Variants in PTPRT observed in about 807,000 individuals in gnomAD.
The protein encoded by PTPRT is receptor-type tyrosine-protein phosphatase T.
In PTPRT, 56 loss-of-function variants were observed where a neutral mutation model predicts 176.8. The ratio of observed to expected loss-of-function variants is 0.32; its 90% CI spans 0.26 to 0.40. The LOEUF (loss-of-function observed/expected upper bound fraction) is 0.40. PTPRT is among the 10% of genes least tolerant of loss of function. The probability of loss-of-function intolerance (pLI) is 1.00; values close to 1 mark genes in which losing one functional copy is unlikely to be tolerated. For synonymous variants in PTPRT, 783 were observed against 739.0 expected (o/e 1.06, Z -0.96); for missense variants, 1,540 against 1,908.2 (o/e 0.81, Z 3.60).
chr20:43,164,982 T>C (rs1451968086), intron 1 of PTPRT, among the ~76,000 whole-genome samples: 1 of 152,060 alleles, frequency 6.6e-6, no homozygotes, highest in African/African-American at 2.4e-5. Flanking sequence ...TTTGGCTGTG[T>C]CCCCACACAA....
chr20:42,391,004 A>C (rs945103012), intron 9 of PTPRT, among the ~76,000 whole-genome samples: 1 of 152,144 alleles, frequency 6.6e-6, no homozygotes, highest in Admixed American at 6.5e-5. Context: ...AGGTCTTTTC[A>C]TTGCTTTTAA....
chr20:42,818,801 G>A (rs981379091), intron 2 of PTPRT, among the ~76,000 whole-genome samples: 2 of 152,130 alleles, frequency 1.3e-5, no homozygotes, highest in Non-Finnish European at 2.9e-5. Flanking sequence ...AAGGATATCA[G>A]AGTTTGAAGA....
In PTPRT at chr20:42,965,798, C is replaced by T. The variant is rs147770208; in HGVS notation, c.89-79866G>A. 8.0e-4 allele frequency among the ~76,000 whole-genome samples: 122 copies of T among 152,252 alleles called. 1 individual carries two copies. The highest frequency in any genetic ancestry group is 3.4e-3 in the Middle Eastern group (1 of 294). ...TACATTTAAGAAATCCCAAACGATA[C>T]CCCCATTTAATTTTCTTTGGGGACA... On this transcript the variant is annotated intron_variant, in intron 1 of 30. Coordinates refer to ENST00000373187, the MANE Select transcript of PTPRT (RefSeq NM_007050.6).
chr20:42,422,321 T>C (rs2059125630), intron 9 of PTPRT, among the ~76,000 whole-genome samples: 2 of 152,176 alleles, frequency 1.3e-5, no homozygotes, highest in Non-Finnish European at 2.9e-5. Flanking sequence ...AAAGGTCTAA[T>C]ATCCAGCATC....
intron 2 of PTPRT, among the ~76,000 whole-genome samples, chr20:42,848,577 G>C (rs969094623): frequency 6.6e-6 from 1 of 152,174 alleles, no homozygotes; most frequent in Admixed American, 6.5e-5. Context: ...TATCATTAGT[G>C]ATGTTGAGCA....
At chr20:42,310,877 T>A (rs375655615) in intron 12 of PTPRT, among the ~76,000 whole-genome samples, 1 of 152,320 alleles carries the variant, frequency 6.6e-6, no homozygotes, top group East Asian at 1.9e-4. Flanking sequence ...CCAACACAAG[T>A]GCCTGTGAAC....
At chr20:42,987,806 C>G (rs557228853) in intron 1 of PTPRT, among the ~76,000 whole-genome samples, 7 of 152,316 alleles carry the variant, frequency 4.6e-5, no homozygotes, top group African/African-American at 1.7e-4. Flanking sequence ...GCCTGTCTCT[C>G]CTTTCATGGC....
At chr20:42,148,828 G>A (rs1352901653) in intron 17 of PTPRT, among the ~76,000 whole-genome samples, 2 of 152,204 alleles carry the variant, frequency 1.3e-5, no homozygotes, top group Non-Finnish European at 2.9e-5. Context: ...TGGTTAATAT[G>A]AGCGGCCTGA....
intron 9 of PTPRT, among the ~76,000 whole-genome samples, chr20:42,432,637 A>G (rs555966499): frequency 1.0e-3 from 155 of 152,366 alleles, no homozygotes; most frequent in Middle Eastern, 6.8e-3. Flanking sequence ...ATGCAAAGCA[A>G]GGGTTAAGTC....
intron 4 of PTPRT, among the ~76,000 whole-genome samples, chr20:42,776,431 A>G (rs1349324423): frequency 2.6e-5 from 4 of 152,156 alleles, no homozygotes; most frequent in Non-Finnish European, 5.9e-5. Context: ...ACAGAGGAGG[A>G]CATTTGAATG....
At chr20:43,044,406 G>A (rs530816062) in intron 1 of PTPRT, among the ~76,000 whole-genome samples, 80 of 152,284 alleles carry the variant, frequency 5.3e-4, no homozygotes, top group Non-Finnish European at 1.1e-3. Context: ...CTTGCACAGT[G>A]GAGAGTGGGC....
chr20:42,223,211 A>G (rs1049924260), intron 15 of PTPRT, among the ~76,000 whole-genome samples: 1 of 152,208 alleles, frequency 6.6e-6, no homozygotes, highest in Non-Finnish European at 1.5e-5. Flanking sequence ...TACTAATAAT[A>G]ACTACAAGGT....
At chr20:42,645,781 T>C (rs977561500) in intron 7 of PTPRT, among the ~76,000 whole-genome samples, 4 of 151,422 alleles carry the variant, frequency 2.6e-5, no homozygotes, top group Admixed American at 2.6e-4. Flanking sequence ...TGTGTGTGTG[T>C]GTGTGTGTGT....
At chr20:43,183,971 G>A (rs867835482) in intron 1 of PTPRT, among the ~76,000 whole-genome samples, 27 of 152,288 alleles carry the variant, frequency 1.8e-4, no homozygotes, top group South Asian at 1.5e-3. Flanking sequence ...ATTCATGCTC[G>A]TGTCTTTCTG....
intron 1 of PTPRT, among the ~76,000 whole-genome samples, chr20:43,096,889 G>A (rs956835666): frequency 1.3e-5 from 2 of 152,174 alleles, no homozygotes; most frequent in African/African-American, 4.8e-5. Context: ...TAAATCCAAT[G>A]GTGTGGGGTC....
intron 7 of PTPRT, among the ~76,000 whole-genome samples, chr20:42,565,846 C>G (rs2145667213): frequency 6.6e-6 from 1 of 152,004 alleles, no homozygotes; most frequent in East Asian, 2.0e-4. Context: ...TTCCTGCCTT[C>G]CAAAGGGCAA....
chr20:42,781,124 G>A (rs879415190), intron 3 of PTPRT, among the ~76,000 whole-genome samples: 1 of 151,656 alleles, frequency 6.6e-6, no homozygotes, highest in Non-Finnish European at 1.5e-5. Context: ...TGCTCCTCAG[G>A]CTCACGTGGT....
At chr20:42,138,475 T>C (rs144755994) in intron 18 of PTPRT, among the ~76,000 whole-genome samples, 1 of 152,366 alleles carries the variant, frequency 6.6e-6, no homozygotes, top group East Asian at 1.9e-4. Flanking sequence ...CTATCCCTTG[T>C]AGTCTTTCTA....
At chr20:42,752,608 AT>A (rs1220460737) in intron 6 of PTPRT, among the ~76,000 whole-genome samples, 1 of 152,246 alleles carries the variant, frequency 6.6e-6, no homozygotes, top group African/African-American at 2.4e-5. Context: ...ATCCCATCCC[AT>A]AACACAGCAC....
Sources: allele counts gnomAD v4.1 joint callset (sites outside exome capture counted in the v4.1 genomes callset), GRCh38; gene constraint gnomAD v4.1.1; transcripts MANE v1.5; gene names NCBI Gene and HGNC (gene_info 2026-07-23, HGNC 2026-07-21).